TAFA2: variants seen among roughly 807,000 people sequenced by gnomAD.
TAFA2 encodes the protein TAFA chemokine like family member 2, also known as chemokine-like protein TAFA-2.
In TAFA2, 7 loss-of-function variants were observed where a neutral mutation model predicts 18.8. That is an observed-to-expected ratio of 0.37 (90% CI 0.21 to 0.70). The LOEUF (loss-of-function observed/expected upper bound fraction) is 0.70, where lower values mean the gene tolerates loss of function less well. Among genes scored for constraint, TAFA2 ranks in the 30% least tolerant of loss-of-function variants. TAFA2 has a pLI of 0.53. For synonymous variants in TAFA2, 60 were observed against 54.2 expected, an observed-to-expected ratio of 1.11 and a Z score of -0.47; for missense variants, 122 against 158.1, an observed-to-expected ratio of 0.77 and a Z score of 1.23.
chr12:61,874,084 A>T (rs1874737794), intron 1 of TAFA2, among the ~76,000 whole-genome samples: 1 of 152,176 alleles, frequency 6.6e-6, no homozygotes, highest in Admixed American at 6.5e-5. Flanking sequence ...AAGTATTATC[A>T]CATGATGGCA....
chr12:62,132,381 C>T (rs1267879712), intron 1 of TAFA2, among the ~76,000 whole-genome samples: 1 of 151,744 alleles, frequency 6.6e-6, no homozygotes, highest in Non-Finnish European at 1.5e-5. Flanking sequence ...CTTACAGTAA[C>T]CAGGCAATAC....
chr12:62,155,465 C>A (rs2062362255), intron 1 of TAFA2, among the ~76,000 whole-genome samples: 1 of 151,944 alleles, frequency 6.6e-6, no homozygotes, highest in African/African-American at 2.4e-5. Context: ...CATATAGAAC[C>A]AAAAGAGAGC....
At chr12:61,757,295 C>T (rs114827333) in intron 2 of TAFA2, among the ~76,000 whole-genome samples, 14 of 151,886 alleles carry the variant, frequency 9.2e-5, no homozygotes, top group Admixed American at 2.0e-4. Context: ...GTAGAATGTG[C>T]GTCATGAGGG....
Position 61,802,342 on chromosome 12 carries a change from G to A in TAFA2, c.107-47318C>T, listed in dbSNP as rs567188146. On this transcript the variant is annotated intron_variant, in intron 2 of 4. Coordinates refer to ENST00000416284, the MANE Select transcript of TAFA2 (RefSeq NM_178539.5). ...TTGCAGCACTATGCACAAAAGCCAAGATATGGAATCAACATAAATGTCCAT... is the reference window on the plus strand; with the variant it reads ...TTGCAGCACTATGCACAAAAGCCAAAATATGGAATCAACATAAATGTCCAT... Among the ~76,000 whole-genome samples, 7 of 152,036 alleles carry A rather than the reference G, an allele frequency of 4.6e-5. No individual in the cohort carries two copies. In the South Asian group the frequency reaches 1.5e-3, roughly 32 times the overall value.
At chr12:62,124,881 T>G (rs1435220405) in intron 1 of TAFA2, among the ~76,000 whole-genome samples, 1 of 152,146 alleles carries the variant, frequency 6.6e-6, no homozygotes, top group Non-Finnish European at 1.5e-5. Flanking sequence ...AATAATGCAC[T>G]GTTGTAAAGG....
chr12:62,070,143 T>C (rs1049998347), intron 1 of TAFA2, among the ~76,000 whole-genome samples: 2 of 152,176 alleles, frequency 1.3e-5, no homozygotes, highest in African/African-American at 4.8e-5. Context: ...AGAACATTAT[T>C]GGGGAATTTG....
chr12:62,026,989 A>G lies in TAFA2; in HGVS notation c.-1-159563T>C, dbSNP rs80033246. Among the ~76,000 whole-genome samples, 114 of 152,120 alleles carry G rather than the reference A, an allele frequency of 7.5e-4. 1 individual carries two copies. The highest frequency in any genetic ancestry group is 2.6e-3 in the African/African-American group (109 of 41,514). Reference sequence around the variant, plus strand: ...TCGAAGACGTATTTTTTCCCAGCGAATTCTCTTCTCTTTTTGAATAATGAC... The same window carrying G: ...TCGAAGACGTATTTTTTCCCAGCGAGTTCTCTTCTCTTTTTGAATAATGAC... On this transcript the variant is annotated intron_variant, in intron 1 of 4. Transcript: ENST00000416284.
At chr12:61,945,039 T>C (rs904512174) in intron 1 of TAFA2, among the ~76,000 whole-genome samples, 49 of 150,346 alleles carry the variant, frequency 3.3e-4, no homozygotes, top group Non-Finnish European at 5.8e-4. Context: ...TGATGAACAC[T>C]GATGCAAAAA....
intron 1 of TAFA2, among the ~76,000 whole-genome samples, chr12:62,228,742 T>C (rs1315287312): frequency 6.6e-6 from 1 of 152,166 alleles, no homozygotes. Flanking sequence ...TTTGAGAATT[T>C]TTTCTGTGAA....
chr12:61,948,215 C>T (rs1330364037), intron 1 of TAFA2, among the ~76,000 whole-genome samples: 1 of 152,074 alleles, frequency 6.6e-6, no homozygotes, highest in East Asian at 1.9e-4. Context: ...TCACAAACTC[C>T]AAGCATGGGT....
At chr12:61,777,645 G>C in intron 2 of TAFA2, among the ~76,000 whole-genome samples, 1 of 151,192 alleles carries the variant, frequency 6.6e-6, no homozygotes, top group Non-Finnish European at 1.5e-5. Context: ...TCAAATTTTA[G>C]CTCTACCACT....
intron 1 of TAFA2, among the ~76,000 whole-genome samples, chr12:62,126,134 TAA>T: frequency 6.6e-6 from 1 of 152,244 alleles, no homozygotes; most frequent in South Asian, 2.1e-4. Flanking sequence ...CTCCATATTT[TAA>T]AAGTCTTTAT....
At chr12:61,820,883 A>G (rs1331830336) in intron 2 of TAFA2, among the ~76,000 whole-genome samples, 2 of 152,042 alleles carry the variant, frequency 1.3e-5, no homozygotes, top group East Asian at 3.9e-4. Flanking sequence ...AAATAAGTAT[A>G]TGGAGATTCT....
At chr12:61,802,284 T>G (rs1408055986) in intron 2 of TAFA2, among the ~76,000 whole-genome samples, 3 of 151,996 alleles carry the variant, frequency 2.0e-5, no homozygotes, top group African/African-American at 7.2e-5. Context: ...AGAAAATCAG[T>G]ATATCAAAGA....
At chr12:61,996,890 A>G (rs779368639) in intron 1 of TAFA2, among the ~76,000 whole-genome samples, 3 of 152,182 alleles carry the variant, frequency 2.0e-5, no homozygotes, top group African/African-American at 4.8e-5. Flanking sequence ...CATACTGTCA[A>G]TCAGATCAGA....
intron 1 of TAFA2, among the ~76,000 whole-genome samples, chr12:61,894,423 T>A (rs1875756635): frequency 6.6e-6 from 1 of 152,196 alleles, no homozygotes; most frequent in Non-Finnish European, 1.5e-5. Flanking sequence ...TTGCATTGGA[T>A]CTACTCCAAA....
chr12:61,923,905 G>C (rs1469703820), intron 1 of TAFA2, among the ~76,000 whole-genome samples: 1 of 151,720 alleles, frequency 6.6e-6, no homozygotes, highest in Non-Finnish European at 1.5e-5. Flanking sequence ...ACCTGATGGA[G>C]CTCAAAAACA....
At chr12:62,021,898 C>T in intron 1 of TAFA2, 1 of 751,236 alleles carries the variant, frequency 1.3e-6, no homozygotes, top group Admixed American at 1.7e-5. Flanking sequence ...CATGACCTCA[C>T]AGCCTTTGGC....
chr12:61,723,922 C>A (rs1188234080), intron 4 of TAFA2, among the ~76,000 whole-genome samples: 1 of 152,048 alleles, frequency 6.6e-6, no homozygotes, highest in Non-Finnish European at 1.5e-5. Flanking sequence ...TTTCATGAGA[C>A]AATTACCCTA....
Sources: gnomAD v4.1 joint callset for allele counts (sites outside exome capture counted in the v4.1 genomes callset) on GRCh38, gnomAD v4.1.1 for gene constraint, MANE v1.5 for transcripts, NCBI Gene and HGNC (gene_info 2026-07-23, HGNC 2026-07-21) for gene names.